The following EPC2 variants were observed in gnomAD, a reference collection of about 807,000 sequenced individuals.
EPC2 encodes the protein enhancer of polycomb homolog 2.
EPC2 carries 14 observed loss-of-function variants against 92.1 expected under a neutral mutation model. The ratio of observed to expected loss-of-function variants is 0.15; its 90% CI spans 0.10 to 0.24. The LOEUF is 0.24. Among genes scored for constraint, EPC2 ranks in the 10% least tolerant of loss-of-function variants. The probability of loss-of-function intolerance (pLI) is 1.00; values close to 1 mark genes in which losing one functional copy is unlikely to be tolerated. For missense variants in EPC2, 755 were observed against 971.5 expected, an observed-to-expected ratio of 0.78 and a Z score of 2.96; for synonymous variants, 340 against 334.7, an observed-to-expected ratio of 1.02 and a Z score of -0.17.
chr2:148,645,227 G>C, intron 1 of EPC2, 57 bp downstream of exon 1: 1 of 1,431,230 alleles, frequency 7.0e-7, no homozygotes, highest in Non-Finnish European at 9.5e-7. Context: ...CCCTTTGTCA[G>C]TCGGGCCTCG....
At position 148,688,419 on chromosome 2, in the gene EPC2, G is replaced by T. The variant is rs550001282; in HGVS notation, c.154-1795G>T. Among the ~76,000 whole-genome samples, 9 of 152,188 alleles carry T rather than the reference G, an allele frequency of 5.9e-5. No homozygotes were observed. In the East Asian group the frequency reaches 1.5e-3, roughly 26 times the overall value. On this transcript the variant is annotated intron_variant, in intron 1 of 13. Coordinates refer to ENST00000258484, the MANE Select transcript of EPC2 (RefSeq NM_015630.4). ...ACACACCAGGGCCTGTTGTGGGATG[G>T]GGGGAGGGGGGACGGATAGCATTAG... is the stretch of plus-strand genomic sequence containing the variant.
Position 148,762,725 on chromosome 2 carries a change from T to A in EPC2, c.871T>A (p.Ser291Thr). The change falls in exon 6 of 14, where the codon TCA becomes ACA. Residue 291 changes from serine to threonine, a missense_variant. Around this residue, in one of 4 missense-constraint regions of EPC2, gnomAD observed 509 missense variants for 607.7 expected, o/e 0.84. Transcript: ENST00000258484. ...CCTTAATGAAGTAAAAATCAGTAGA[T>A]CAGAAAAAGAGTTATATGCCACTCC... ...EILNEVKISRSEKELYATPAT... is the reference protein window; with the variant it reads ...EILNEVKISRTEKELYATPAT... The A allele has an allele frequency of 1.2e-6, 2 of 1,610,590 alleles. No homozygotes were observed. Among genetic ancestry groups the A allele is most frequent in the Non-Finnish European group, 1.7e-6 (2 of 1,178,298 alleles).
chr2:148,674,329 A>G (rs1178293785), intron 1 of EPC2, among the ~76,000 whole-genome samples: 2 of 152,194 alleles, frequency 1.3e-5, no homozygotes, highest in Non-Finnish European at 2.9e-5. Flanking sequence ...TACAGTCTCC[A>G]GGTTTCCAAA....
chr2:148,671,947 T>C (rs903674265), intron 1 of EPC2, among the ~76,000 whole-genome samples: 3 of 152,124 alleles, frequency 2.0e-5, no homozygotes, highest in African/African-American at 7.2e-5. Flanking sequence ...TTCATTCACA[T>C]TTGTTGATAT....
rs191693130 is a variant in EPC2 at position 148,662,619 on chromosome 2, A to T, written c.153+17449A>T. Among the ~76,000 whole-genome samples, 8 of 152,180 alleles carry T rather than the reference A, an allele frequency of 5.3e-5. No individual in the cohort carries two copies. The East Asian group carries it at 1.6e-3, about 30-fold the overall frequency. ...ACTCATAGGTGGGAATTGAACAATG[A>T]GAACACATGGACACAGGAAGGGGAC... On this transcript the variant is annotated intron_variant, in intron 1 of 13. Coordinates refer to ENST00000258484, the MANE Select transcript of EPC2 (RefSeq NM_015630.4).
intron 2 of EPC2, among the ~76,000 whole-genome samples, chr2:148,703,643 C>G (rs1681932473): frequency 6.6e-6 from 1 of 152,122 alleles, no homozygotes; most frequent in Admixed American, 6.5e-5. Flanking sequence ...CTTCTCCCAC[C>G]TCAACCTCCT....
At chr2:148,769,398 T>C (rs1683474516) in intron 8 of EPC2, among the ~76,000 whole-genome samples, 158 bp downstream of exon 8, 1 of 152,236 alleles carries the variant, frequency 6.6e-6, no homozygotes, top group Non-Finnish European at 1.5e-5. Context: ...TAAAAGGTAC[T>C]GAGTCCTTTC....
intron 1 of EPC2, among the ~76,000 whole-genome samples, chr2:148,671,092 G>A (rs1681144098): frequency 6.6e-6 from 1 of 152,170 alleles, no homozygotes; most frequent in South Asian, 2.1e-4. Flanking sequence ...ATAGGTTTAA[G>A]ATCAACCTTA....
At chr2:148,653,999 G>A (rs1222624717) in intron 1 of EPC2, among the ~76,000 whole-genome samples, 2 of 148,826 alleles carry the variant, frequency 1.3e-5, no homozygotes, top group Non-Finnish European at 3.0e-5. Context: ...CCAGGCTGGA[G>A]TGCAATGGCG....
At chr2:148,724,026 A>G (rs1441018746) in intron 2 of EPC2, among the ~76,000 whole-genome samples, 3 of 152,110 alleles carry the variant, frequency 2.0e-5, no homozygotes, top group Admixed American at 6.6e-5. Flanking sequence ...AGAGCCAAGT[A>G]TGGTCAATAA....
chr2:148,762,675 A>G lies in EPC2; in HGVS notation c.821A>G (p.His274Arg). 1.3e-6 allele frequency: 2 copies of G among 1,596,716 alleles called. No homozygotes were observed. The highest frequency in any genetic ancestry group is 1.7e-6 in the Non-Finnish European group (2 of 1,171,896). ...ATTTTTGTTACCTTTTCAAGATACC[A>G]TTTGGGAGACTATGGTGGTGAAATC... The part of the protein sequence containing the change: ...LTLEVVEKRY[H>R]LGDYGGEILN... Residue 274 changes from histidine to arginine, a missense_variant, in exon 6 of 14, where the codon CAT becomes CGT. Around this residue, in one of 4 missense-constraint regions of EPC2, gnomAD observed 509 missense variants for 607.7 expected, o/e 0.84. Coordinates refer to ENST00000258484, the MANE Select transcript of EPC2 (RefSeq NM_015630.4).
intron 2 of EPC2, among the ~76,000 whole-genome samples, chr2:148,735,047 C>T (rs552789144): frequency 5.3e-5 from 8 of 151,842 alleles, no homozygotes; most frequent in Admixed American, 1.3e-4. Flanking sequence ...ACAAATATAT[C>T]TCAGTTTTCC....
chr2:148,664,558 A>G lies in EPC2; in HGVS notation c.153+19388A>G, dbSNP rs142783368. On this transcript the variant is annotated intron_variant, in intron 1 of 13. Transcript: ENST00000258484. Reference sequence around the variant, plus strand: ...TGACATACAGACTGCACGTATTTCAAGTGTGCAATTTGTTGTGTTGATGTT... The same window carrying G: ...TGACATACAGACTGCACGTATTTCAGGTGTGCAATTTGTTGTGTTGATGTT... Among the ~76,000 whole-genome samples, 7 of 152,314 alleles carry G rather than the reference A, an allele frequency of 4.6e-5. No individual in the cohort carries two copies. The East Asian group carries it at 1.3e-3, about 29-fold the overall frequency.
chr2:148,681,989 G>A (rs1439528288), intron 1 of EPC2, among the ~76,000 whole-genome samples: 1 of 152,034 alleles, frequency 6.6e-6, no homozygotes, highest in Non-Finnish European at 1.5e-5. Context: ...TTTTGTCCTT[G>A]TGATAGTTTG....
At chr2:148,764,204 T>A (rs1339565791) in intron 6 of EPC2, among the ~76,000 whole-genome samples, 1 of 152,246 alleles carries the variant, frequency 6.6e-6, no homozygotes, top group Non-Finnish European at 1.5e-5. Context: ...CTGGACTAGA[T>A]GTGGAAATGT....
intron 2 of EPC2, among the ~76,000 whole-genome samples, chr2:148,715,985 G>T (rs184116556): frequency 1.3e-5 from 2 of 152,030 alleles, no homozygotes; most frequent in African/African-American, 4.8e-5. Flanking sequence ...TTTTGTGGCA[G>T]TTGTGAATGT....
At position 148,783,645 on chromosome 2, in the gene EPC2, G is replaced by A. The variant is rs774665912; in HGVS notation, c.1906G>A (p.Ala636Thr). The change falls in exon 12 of 14, where the codon GCC (alanine) becomes ACC (threonine). Residue 636 changes from alanine to threonine, a missense_variant. Ala to Thr is a moderately conservative substitution (Grantham distance 58, BLOSUM62 0). Around this residue, in one of 4 missense-constraint regions of EPC2, gnomAD observed 207 missense variants for 260.5 expected, o/e 0.79. Coordinates refer to ENST00000258484, the MANE Select transcript of EPC2 (RefSeq NM_015630.4). ...GTCTAAAACACTTGACTCAGCCAGC[G>A]CCCACTTTGCTGCATCTGCAGTGGT... ...CMSKTLDSAS[A>T]HFAASAVVSA... 1 of 1,606,776 alleles carries A rather than the reference G, an allele frequency of 6.2e-7. No homozygotes were observed. The highest frequency in any genetic ancestry group is 8.5e-7 in the Non-Finnish European group (1 of 1,176,318).
At chr2:148,710,096 C>A (rs867776480) in intron 2 of EPC2, among the ~76,000 whole-genome samples, 34 of 152,296 alleles carry the variant, frequency 2.2e-4, no homozygotes, top group South Asian at 1.7e-3. Context: ...GCAATCTACT[C>A]ATCTGACAAA....
intron 3 of EPC2, among the ~76,000 whole-genome samples, chr2:148,744,383 T>G (rs1057358353): frequency 6.6e-6 from 1 of 152,092 alleles, no homozygotes; most frequent in African/African-American, 2.4e-5. Context: ...TCAGTGATTT[T>G]TGAGCAAGAA....
Sources: gnomAD v4.1 joint callset for allele counts (sites outside exome capture counted in the v4.1 genomes callset) on GRCh38, gnomAD v4.1.1 for gene constraint, gnomAD v4.1.1 regional missense constraint, MANE v1.5 for transcripts, NCBI Gene and HGNC (gene_info 2026-07-23, HGNC 2026-07-21) for gene names.